Variants in CWC27 observed in about 807,000 individuals in gnomAD.
CWC27 encodes spliceosome-associated protein CWC27 homolog.
CWC27 carries 47 observed loss-of-function variants against 63.6 expected under a neutral mutation model. That is an observed-to-expected ratio of 0.74 (90% CI 0.58 to 0.94). The LOEUF is 0.94. CWC27 is among the 40% of genes least tolerant of loss of function. The pLI, the probability that CWC27 is intolerant of heterozygous loss-of-function variation, is 0.00. For synonymous variants in CWC27, 175 were observed against 179.8 expected, an observed-to-expected ratio of 0.97 and a Z score of 0.22; for missense variants, 495 against 554.3, an observed-to-expected ratio of 0.89 and a Z score of 1.07.
intron 11 of CWC27, among the ~76,000 whole-genome samples, chr5:64,886,974 CTTATAA>C (rs1448981182): frequency 2.0e-5 from 3 of 151,964 alleles, no homozygotes; most frequent in South Asian, 2.1e-4. Flanking sequence ...AAGACTGTTT[CTTATAA>C]TTAAAAGTAT....
intron 12 of CWC27, among the ~76,000 whole-genome samples, chr5:64,972,356 A>G (rs1431743959): frequency 1.3e-5 from 2 of 152,212 alleles, no homozygotes; most frequent in Non-Finnish European, 2.9e-5. Flanking sequence ...AGCTAGCTCA[A>G]CAATTTGGGA....
chr5:64,972,531 C>A, intron 12 of CWC27: 1 of 239,402 alleles, frequency 4.2e-6, no homozygotes, highest in Non-Finnish European at 8.2e-6. Context: ...TGGATATAAA[C>A]AAACTGCCTT....
At chr5:64,908,998 G>T (rs1047393894) in intron 11 of CWC27, among the ~76,000 whole-genome samples, 2 of 152,052 alleles carry the variant, frequency 1.3e-5, no homozygotes, top group African/African-American at 4.8e-5. Flanking sequence ...TTACAATTTG[G>T]CATGTTTTTG....
intron 10 of CWC27, among the ~76,000 whole-genome samples, chr5:64,840,385 AAAAAAAAAAATATATAT>A (rs1474220475): frequency 5.3e-4 from 37 of 69,424 alleles, no homozygotes; most frequent in Non-Finnish European, 6.5e-4. Flanking sequence ...AAAAAAAAAA[AAAAAAAAAAATATATAT>A]ATATATATAT....
At chr5:64,897,588 G>A (rs1338720602) in intron 11 of CWC27, among the ~76,000 whole-genome samples, 1 of 152,100 alleles carries the variant, frequency 6.6e-6, no homozygotes, top group African/African-American at 2.4e-5. Flanking sequence ...ACCAGGGTCG[G>A]TCAGAGATGG....
chr5:64,816,196 T>C (rs1045706718), intron 10 of CWC27, among the ~76,000 whole-genome samples: 4 of 152,114 alleles, frequency 2.6e-5, no homozygotes, highest in African/African-American at 9.7e-5. Context: ...ATCTGAATAT[T>C]TGGGAGAGAG....
chr5:64,869,201 A>G (rs1746605748), intron 10 of CWC27, among the ~76,000 whole-genome samples: 1 of 152,112 alleles, frequency 6.6e-6, no homozygotes, highest in African/African-American at 2.4e-5. Flanking sequence ...GAAGAACAGT[A>G]GAGGTATATG....
intron 13 of CWC27, among the ~76,000 whole-genome samples, chr5:65,015,504 G>T: frequency 6.6e-6 from 1 of 152,292 alleles, no homozygotes; most frequent in Non-Finnish European, 1.5e-5. Context: ...CACTTGGAAC[G>T]CTGCTGCTAA....
chr5:64,980,007 G>C (rs961535960), intron 13 of CWC27, among the ~76,000 whole-genome samples: 1 of 142,376 alleles, frequency 7.0e-6, no homozygotes, highest in African/African-American at 2.6e-5. Context: ...AGAAAGAAAA[G>C]AAATATGATT....
At position 64,937,411 on chromosome 5, in the gene CWC27, G is replaced by C. The variant is rs149094692; in HGVS notation, c.1043-34292G>C. On this transcript the variant is annotated intron_variant, in intron 11 of 13. Transcript: ENST00000381070. ...TTTCCATGTAGTTGTGTGGTTTTGA[G>C]TGACTTTCTTAATCTGGAGTTCTAA... Among the ~76,000 whole-genome samples, 218 of 152,308 alleles carry C rather than the reference G, an allele frequency of 1.4e-3. 1 individual carries two copies. Among genetic ancestry groups the C allele is most frequent in the African/African-American group, 4.8e-3 (200 of 41,574 alleles).
rs200703003 is a variant in CWC27 at position 64,983,217 on chromosome 5, CTTTAA to C, written c.1256+5985_1256+5989del. On this transcript the variant is annotated intron_variant, in intron 13 of 13. Transcript: ENST00000381070. ...TTAATAATATGTTATAAACAACATA[CTTTAA>C]TTTAAAAAAATTATGCCTGCAAAAC... is the stretch of plus-strand genomic sequence containing the variant. Among the ~76,000 whole-genome samples, 1,071 of 152,214 alleles carry C rather than the reference CTTTAA, an allele frequency of 7.0e-3. 10 individuals are homozygous for C. Among genetic ancestry groups the C allele is most frequent in the African/African-American group, 0.024 (996 of 41,510 alleles).
chr5:64,787,508 AATTTAACTTGT>A (rs1200870354), intron 6 of CWC27, among the ~76,000 whole-genome samples: 1 of 151,930 alleles, frequency 6.6e-6, no homozygotes, highest in Non-Finnish European at 1.5e-5. Context: ...TGCATTATGC[AATTTAACTTGT>A]ATTTAACTTT....
intron 11 of CWC27, among the ~76,000 whole-genome samples, chr5:64,890,022 A>G (rs1203473786): frequency 6.6e-6 from 1 of 152,188 alleles, no homozygotes; most frequent in Admixed American, 6.5e-5. Context: ...TTTAAGTTTC[A>G]TATCAAAACC....
At chr5:64,992,698 A>ATTT (rs10710157) in intron 13 of CWC27, among the ~76,000 whole-genome samples, 1 of 142,340 alleles carries the variant, frequency 7.0e-6, no homozygotes, top group Non-Finnish European at 1.5e-5. Context: ...CGCCTGGCTA[A>ATTT]TTTTTTTTTT....
chr5:64,879,305 GT>G (rs1454926567), intron 10 of CWC27, among the ~76,000 whole-genome samples: 1 of 151,924 alleles, frequency 6.6e-6, no homozygotes, highest in Non-Finnish European at 1.5e-5. Context: ...TCATCTGGCA[GT>G]TAGAAATGTC....
At chr5:64,830,037 T>TA (rs1357529924) in intron 10 of CWC27, among the ~76,000 whole-genome samples, 1 of 141,808 alleles carries the variant, frequency 7.1e-6, no homozygotes, top group Admixed American at 6.9e-5. Context: ...TTTTTTTTTT[T>TA]AATTATACTT....
At chr5:65,008,625 C>T (rs577625497) in intron 13 of CWC27, among the ~76,000 whole-genome samples, 191 of 152,242 alleles carry the variant, frequency 1.3e-3, no homozygotes, top group African/African-American at 4.4e-3. Flanking sequence ...AAGTGATGTG[C>T]CTATGTATTA....
chr5:64,853,190 G>C (rs918664703), intron 10 of CWC27, among the ~76,000 whole-genome samples: 3 of 152,176 alleles, frequency 2.0e-5, no homozygotes, highest in Non-Finnish European at 4.4e-5. Context: ...GTCCAAAATG[G>C]AATAAATCTG....
At chr5:64,776,086 A>C (rs1380629434) in intron 2 of CWC27, among the ~76,000 whole-genome samples, 2 of 75,488 alleles carry the variant, frequency 2.6e-5, no homozygotes, top group Non-Finnish European at 6.2e-5. Flanking sequence ...AGAGAGAGAG[A>C]GAGAGAGAGA....
Sources: allele counts gnomAD v4.1 joint callset (sites outside exome capture counted in the v4.1 genomes callset), GRCh38; gene constraint gnomAD v4.1.1; transcripts MANE v1.5; gene names NCBI Gene and HGNC (gene_info 2026-07-23, HGNC 2026-07-21).